Variants in DOP1A observed in about 807,000 individuals in gnomAD.
DOP1A encodes DOP1 leucine zipper like protein A.
A neutral mutation model predicts 267.6 loss-of-function variants in DOP1A; 90 were observed. The observed-to-expected ratio is 0.34, with a 90% CI of 0.28 to 0.40. DOP1A has a LOEUF of 0.40. Among genes scored for constraint, DOP1A ranks in the 10% least tolerant of loss-of-function variants. The pLI is 1.00. For missense variants in DOP1A, 2,437 were observed against 2,900.4 expected (o/e 0.84, Z 3.67); for synonymous variants, 932 against 999.1 (o/e 0.93, Z 1.27).
chr6:83,123,115 T>C (rs1776612911), intron 12 of DOP1A, 133 bp downstream of exon 12: 6 of 990,914 alleles, frequency 6.1e-6, no homozygotes, highest in Non-Finnish European at 8.5e-6. Context: ...TTACTATCCA[T>C]AATCTGACTC....
chr6:83,122,528 T>C (rs1776530160), intron 11 of DOP1A, among the ~76,000 whole-genome samples: 1 of 151,992 alleles, frequency 6.6e-6, no homozygotes, highest in Non-Finnish European at 1.5e-5. Flanking sequence ...AGTTTGTATG[T>C]GCCAAGGGAA....
chr6:83,070,189 T>G (rs149529639), intron 1 of DOP1A, among the ~76,000 whole-genome samples: 203 of 152,314 alleles, frequency 1.3e-3, no homozygotes, highest in African/African-American at 4.7e-3. Context: ...AACATGTAAT[T>G]TTAATAGATA....
intron 34 of DOP1A, among the ~76,000 whole-genome samples, chr6:83,156,788 G>A (rs1448894092): frequency 1.3e-5 from 2 of 151,956 alleles, no homozygotes; most frequent in African/African-American, 2.4e-5. Flanking sequence ...AACCTTTTAC[G>A]CCTAATTTCA....
intron 4 of DOP1A, among the ~76,000 whole-genome samples, chr6:83,105,127 C>T (rs930163273): frequency 6.6e-6 from 1 of 151,910 alleles, no homozygotes; most frequent in African/African-American, 2.4e-5. Flanking sequence ...CATATATACT[C>T]TCCAAAAAAT....
chr6:83,116,790 G>A (rs1023389308), intron 7 of DOP1A, among the ~76,000 whole-genome samples: 9 of 152,066 alleles, frequency 5.9e-5, no homozygotes, highest in African/African-American at 1.9e-4. Context: ...CATCCTGGGC[G>A]ACAGAGTGAG....
intron 1 of DOP1A, among the ~76,000 whole-genome samples, chr6:83,081,612 T>C (rs1768089129): frequency 6.6e-6 from 1 of 152,200 alleles, no homozygotes; most frequent in Non-Finnish European, 1.5e-5. Context: ...AGAAAAGCTA[T>C]GTGACATTGA....
At chr6:83,077,049 C>T (rs1410603272) in intron 1 of DOP1A, among the ~76,000 whole-genome samples, 1 of 152,196 alleles carries the variant, frequency 6.6e-6, no homozygotes, top group Non-Finnish European at 1.5e-5. Flanking sequence ...GTTCCCCTTA[C>T]ATGAGGTATC....
intron 4 of DOP1A, among the ~76,000 whole-genome samples, chr6:83,105,065 T>C (rs182509311): frequency 2.2e-4 from 33 of 152,208 alleles, no homozygotes; most frequent in Admixed American, 1.5e-3. Context: ...CCATCTGATA[T>C]GTATGTATGT....
intron 4 of DOP1A, 111 bp downstream of exon 4, chr6:83,100,997 G>C (rs1217960673): frequency 4.8e-5 from 29 of 609,706 alleles, no homozygotes; most frequent in Non-Finnish European, 5.5e-5. Context: ...TTAGTGATTA[G>C]AAGTTTTCAG....
chr6:83,112,201 C>G (rs574356249), intron 6 of DOP1A, among the ~76,000 whole-genome samples: 4 of 151,628 alleles, frequency 2.6e-5, no homozygotes, highest in South Asian at 4.2e-4. Flanking sequence ...ATTCAAAGAG[C>G]TACTATAGAT....
intron 7 of DOP1A, among the ~76,000 whole-genome samples, chr6:83,118,522 G>C (rs1227650281): frequency 6.6e-6 from 1 of 152,096 alleles, no homozygotes; most frequent in Non-Finnish European, 1.5e-5. Context: ...GGAGTTTATA[G>C]TCAGTTGACA....
rs532554240 is a variant in DOP1A at position 83,112,165 on chromosome 6, ACAGT to A, written c.682-1155_682-1152del. On this transcript the variant is annotated intron_variant, in intron 6 of 38. Transcript: ENST00000349129. ...CATGGAAAAATATTTCCAAAATATC[ACAGT>A]CAAAGGAGTATTCTTTCTAATATTC... Among the ~76,000 whole-genome samples, 116 of 152,258 alleles carry A rather than the reference ACAGT, an allele frequency of 7.6e-4. 3 individuals carry two copies. In the South Asian group the frequency reaches 0.018, roughly 24 times the overall value.
At chr6:83,090,417 T>G (rs1770133933) in intron 1 of DOP1A, among the ~76,000 whole-genome samples, 1 of 152,192 alleles carries the variant, frequency 6.6e-6, no homozygotes, top group South Asian at 2.1e-4. Context: ...GGGGTTTCTG[T>G]GAAACACTAC....
chr6:83,130,053 G>T, intron 16 of DOP1A, 70 bp from the exon 17 acceptor site: 1 of 1,535,634 alleles, frequency 6.5e-7, no homozygotes, highest in Admixed American at 2.0e-5. Flanking sequence ...TTTGTTTTTT[G>T]AAATTAACTT....
intron 35 of DOP1A, among the ~76,000 whole-genome samples, chr6:83,158,214 G>A (rs997301890): frequency 6.6e-6 from 1 of 151,984 alleles, no homozygotes; most frequent in Non-Finnish European, 1.5e-5. Flanking sequence ...TGTTAGCCAG[G>A]ATGGTCTCGA....
At chr6:83,074,174 A>C (rs1176899202) in intron 1 of DOP1A, among the ~76,000 whole-genome samples, 2 of 152,326 alleles carry the variant, frequency 1.3e-5, no homozygotes, top group Non-Finnish European at 2.9e-5. Flanking sequence ...CTTAAAATGC[A>C]CTTGAAAATT....
chr6:83,170,684 TATTTCCACAAATGCTTAGAGTTA>T, downstream of DOP1A: 3 of 506,332 alleles, frequency 5.9e-6, no homozygotes, highest in Non-Finnish European at 1.1e-5. Context: ...TGGCAAAAAA[TATTTCCACAAATGCTTAGAGTTA>T]CCACTAAGAT....
intron 23 of DOP1A, 37 bp downstream of exon 23, chr6:83,140,440 G>C (rs769144391): frequency 2.0e-6 from 3 of 1,473,058 alleles, no homozygotes; most frequent in Non-Finnish European, 2.7e-6. Flanking sequence ...GAGCTCAAGA[G>C]TCTGAGGACC....
intron 9 of DOP1A, 93 bp from the exon 10 acceptor site, chr6:83,120,590 T>G: frequency 9.6e-7 from 1 of 1,040,478 alleles, no homozygotes; most frequent in Non-Finnish European, 1.3e-6. Context: ...TAAGTCTCCG[T>G]TATATATGGT....
Sources: gnomAD v4.1 joint callset for allele counts (sites outside exome capture counted in the v4.1 genomes callset) on GRCh38, gnomAD v4.1.1 for gene constraint, MANE v1.5 for transcripts, NCBI Gene and HGNC (gene_info 2026-07-23, HGNC 2026-07-21) for gene names.